The following PRKG1 variants were observed in gnomAD, a reference collection of about 807,000 sequenced individuals.
PRKG1 encodes the protein protein kinase cGMP-dependent 1.
Under a neutral mutation model 88.1 loss-of-function variants are expected in PRKG1, and 35 were observed. The observed-to-expected ratio is 0.40, with a 90% confidence interval of 0.30 to 0.53. PRKG1 has a LOEUF of 0.53. Ranked by LOEUF, PRKG1 falls within the 20% of genes least tolerant of loss-of-function variation. The pLI, the probability that PRKG1 is intolerant of heterozygous loss-of-function variation, is 0.59. For synonymous variants in PRKG1, 303 were observed against 292.5 expected (o/e 1.04, Z -0.37); for missense variants, 540 against 839.8 (o/e 0.64, Z 4.41).
At chr10:51,697,633 T>C in intron 3 of PRKG1, 3 of 1,521,048 alleles carry the variant, frequency 2.0e-6, no homozygotes, top group Non-Finnish European at 2.7e-6. Context: ...AAGTCAGCTT[T>C]TTGCACCCAT....
At chr10:51,335,214 G>A (rs971107949) in intron 2 of PRKG1, among the ~76,000 whole-genome samples, 6 of 151,492 alleles carry the variant, frequency 4.0e-5, no homozygotes, top group African/African-American at 1.5e-4. Flanking sequence ...GGATTTCACC[G>A]CTTGTCAGGT....
intron 5 of PRKG1, among the ~76,000 whole-genome samples, chr10:51,973,787 G>A (rs1843764848): frequency 6.6e-6 from 1 of 151,992 alleles, no homozygotes; most frequent in Admixed American, 6.6e-5. Context: ...AACATAAACG[G>A]GCAGGGAGTT....
chr10:51,048,167 C>G lies in PRKG1; in HGVS notation c.266+56523C>G, dbSNP rs562496716. On this transcript the variant is annotated intron_variant, in intron 1 of 17. Coordinates refer to the PRKG1 transcript ENST00000401604. ...TTCCCATTATTTCTATATTTTTGGA[C>G]TAGAACACTAACAAGTCTTCCTTCT... Among the ~76,000 whole-genome samples the G allele has an allele frequency of 5.3e-5, 8 of 152,250 alleles. No homozygotes were observed. In the South Asian group the frequency reaches 1.7e-3, roughly 32 times the overall value.
Position 51,738,774 on chromosome 10 carries a change from C to T in PRKG1, c.593-65811C>T, listed in dbSNP as rs80032521. ...GTTTAGATGAAATAAACTTCAATCCCCCCTTTTAAAGTTAAAATTCTATTC... is the reference window on the plus strand; with the variant it reads ...GTTTAGATGAAATAAACTTCAATCCTCCCTTTTAAAGTTAAAATTCTATTC... On this transcript the variant is annotated intron_variant, in intron 3 of 17. Coordinates refer to ENST00000373980, the MANE Select transcript of PRKG1 (RefSeq NM_006258.4). Among the ~76,000 whole-genome samples, 695 of 152,216 alleles carry T rather than the reference C, an allele frequency of 4.6e-3. 1 individual carries two copies. Among genetic ancestry groups the T allele is most frequent in the African/African-American group, 0.016 (672 of 41,536 alleles).
intron 5 of PRKG1, among the ~76,000 whole-genome samples, chr10:51,936,733 T>C (rs906080920): frequency 3.3e-5 from 5 of 152,072 alleles, no homozygotes; most frequent in African/African-American, 1.2e-4. Context: ...TTTTTAAAAA[T>C]TTTTTTGCTT....
chr10:51,880,521 G>T (rs1050947883), intron 4 of PRKG1, among the ~76,000 whole-genome samples: 3 of 152,064 alleles, frequency 2.0e-5, no homozygotes, highest in African/African-American at 7.2e-5. Flanking sequence ...TTTCCTGTGG[G>T]GAATAAAGCT....
chr10:51,073,157 A>G (rs1049746518), upstream of PRKG1, among the ~76,000 whole-genome samples: 5 of 152,350 alleles, frequency 3.3e-5, no homozygotes, highest in African/African-American at 9.6e-5. Flanking sequence ...ATGTGTTCCC[A>G]TGATGGGAGT....
chr10:52,222,754 T>C (rs1840277815), intron 9 of PRKG1, among the ~76,000 whole-genome samples: 1 of 152,196 alleles, frequency 6.6e-6, no homozygotes, highest in Non-Finnish European at 1.5e-5. Flanking sequence ...GAATAATGCC[T>C]ACCACATATT....
At chr10:52,264,626 A>G (rs1232486330) in intron 10 of PRKG1, among the ~76,000 whole-genome samples, 2 of 152,138 alleles carry the variant, frequency 1.3e-5, no homozygotes, top group African/African-American at 4.8e-5. Context: ...AGATTTCCTG[A>G]GTAAAATTTT....
chr10:51,857,640 A>T (rs1253894810), intron 4 of PRKG1, among the ~76,000 whole-genome samples: 1 of 152,044 alleles, frequency 6.6e-6, no homozygotes, highest in African/African-American at 2.4e-5. Flanking sequence ...GTGTTATTTT[A>T]TTTTATTTTT....
intron 5 of PRKG1, among the ~76,000 whole-genome samples, chr10:52,019,198 C>T (rs74135104): frequency 0.013 from 1,996 of 152,234 alleles, 43 homozygotes; most frequent in African/African-American, 0.046. Context: ...TTAATCTATT[C>T]ATGAGGGATT....
intron 3 of PRKG1, among the ~76,000 whole-genome samples, chr10:51,581,489 G>A (rs144774614): frequency 0.012 from 1,795 of 152,112 alleles, 33 homozygotes; most frequent in Middle Eastern, 0.044. Context: ...CCCCTCATGC[G>A]TCTGTTTATA....
At chr10:51,951,021 T>C (rs1454265059) in intron 5 of PRKG1, among the ~76,000 whole-genome samples, 1 of 152,022 alleles carries the variant, frequency 6.6e-6, no homozygotes, top group Non-Finnish European at 1.5e-5. Context: ...AAGCCATAGG[T>C]AGTATGGGAA....
chr10:51,034,183 C>T (rs1165433934), intron 1 of PRKG1, among the ~76,000 whole-genome samples: 1 of 152,174 alleles, frequency 6.6e-6, no homozygotes, highest in African/African-American at 2.4e-5. Flanking sequence ...GAGATTAAGA[C>T]TCACAATGTA....
At chr10:52,150,948 A>G (rs1352235291) in intron 8 of PRKG1, among the ~76,000 whole-genome samples, 2 of 152,198 alleles carry the variant, frequency 1.3e-5, no homozygotes, top group Non-Finnish European at 2.9e-5. Context: ...AAACTAGAAT[A>G]TATCAGCTAT....
chr10:51,008,156 C>A (rs148406373), intron 1 of PRKG1, among the ~76,000 whole-genome samples: 19 of 152,150 alleles, frequency 1.2e-4, no homozygotes, highest in African/African-American at 4.3e-4. Context: ...AACTGTAGTA[C>A]GTATAAACAT....
chr10:51,237,513 T>C (rs1839029109), intron 2 of PRKG1, among the ~76,000 whole-genome samples: 1 of 152,098 alleles, frequency 6.6e-6, no homozygotes, highest in African/African-American at 2.4e-5. Context: ...TCTGAGAGAG[T>C]ATGGAGCTCA....
chr10:51,261,205 A>G (rs1366456374), intron 2 of PRKG1, among the ~76,000 whole-genome samples: 4 of 152,334 alleles, frequency 2.6e-5, no homozygotes, highest in African/African-American at 9.6e-5. Context: ...ATTATTTTCA[A>G]TGGGTCATCA....
At chr10:51,870,622 T>G (rs970942638) in intron 4 of PRKG1, among the ~76,000 whole-genome samples, 3 of 152,122 alleles carry the variant, frequency 2.0e-5, no homozygotes, top group Non-Finnish European at 4.4e-5. Flanking sequence ...TTTCATTCTG[T>G]CAGTTTCCCC....
Sources: allele counts gnomAD v4.1 joint callset (sites outside exome capture counted in the v4.1 genomes callset), GRCh38; gene constraint gnomAD v4.1.1; transcripts MANE v1.5; gene names NCBI Gene and HGNC (gene_info 2026-07-23, HGNC 2026-07-21).